The following ITGA5 variants were observed in gnomAD, a reference collection of about 807,000 sequenced individuals.
The protein encoded by ITGA5 is integrin alpha-5.
In ITGA5, 55 loss-of-function variants were observed where a neutral mutation model predicts 146.3. That is an observed-to-expected ratio of 0.38 (90% CI 0.30 to 0.47). The LOEUF (loss-of-function observed/expected upper bound fraction) is 0.47, where lower values mean the gene tolerates loss of function less well. ITGA5 is among the 20% of genes least tolerant of loss of function. The pLI is 0.99. For missense variants in ITGA5, 1,131 were observed against 1,329.0 expected (o/e 0.85, Z 2.32); for synonymous variants, 500 against 531.8 (o/e 0.94, Z 0.82).
intron 27 of ITGA5, 73 bp downstream of exon 27, chr12:54,399,572 A>C: frequency 9.8e-7 from 1 of 1,020,194 alleles, no homozygotes; most frequent in Non-Finnish European, 1.6e-6. Flanking sequence ...TGGCTACTGC[A>C]GTGGAGAAAG....
intron 29 of ITGA5, 42 bp downstream of exon 29, chr12:54,397,323 C>T (rs1955723659): frequency 1.2e-6 from 2 of 1,611,822 alleles, no homozygotes; most frequent in South Asian, 2.2e-5. Context: ...AGGGCAGAGC[C>T]TGATGAGAGG....
intron 29 of ITGA5, 199 bp downstream of exon 29, chr12:54,397,166 A>C: frequency 2.1e-6 from 1 of 476,908 alleles, no homozygotes; most frequent in Non-Finnish European, 3.7e-6. Context: ...TTGAGTCAAG[A>C]GGACCCTTTC....
chr12:54,396,395 G>A lies in ITGA5; in HGVS notation c.3067-19C>T, dbSNP rs1204982146. 1 of 1,598,238 alleles carries A rather than the reference G, an allele frequency of 6.3e-7. No individual in the cohort carries two copies. The highest frequency in any genetic ancestry group is 1.1e-5 in the South Asian group (1 of 90,732). ...ATCCAAGCTGATAAAGGGGAAAAGA[G>A]GGAGAGTTTAGGTACTATGGCTGCC... On this transcript the variant is annotated intron_variant, in intron 29 of 29. Transcript: ENST00000293379.
chr12:54,400,512 A>G (rs1955772951), intron 25 of ITGA5: 1 of 260,492 alleles, frequency 3.8e-6, no homozygotes, highest in Admixed American at 5.0e-5. Context: ...CACTTATTTA[A>G]TTAGATGTTA....
chr12:54,419,255 C>G lies in ITGA5; in HGVS notation c.-57G>C. 6.5e-7 allele frequency: 1 copy of G among 1,531,574 alleles called. No homozygotes were observed. Among genetic ancestry groups the G allele is most frequent in the Non-Finnish European group, 8.8e-7 (1 of 1,135,090 alleles). The allele number at this position is 1,531,574 out of a possible 1,614,324, so 94.9% of individuals were successfully genotyped here. Reference sequence around the variant, plus strand: ...GACCCGGAGCCGCTTCCTAAACCTCCCAGAGGCGAATGACTCAACGCGGGG... The same window carrying G: ...GACCCGGAGCCGCTTCCTAAACCTCGCAGAGGCGAATGACTCAACGCGGGG... On this transcript the variant is annotated 5_prime_UTR_variant, in exon 1 of 30. Transcript: ENST00000293379.
intron 15 of ITGA5, 81 bp from the exon 16 acceptor site, chr12:54,404,047 A>G: frequency 6.4e-7 from 1 of 1,568,216 alleles, no homozygotes; most frequent in Non-Finnish European, 8.8e-7. Flanking sequence ...AGCCAGACCC[A>G]GACTAGGACA....
At chr12:54,399,820 G>T in intron 26 of ITGA5, 44 bp downstream of exon 26, 1 of 1,605,726 alleles carries the variant, frequency 6.2e-7, no homozygotes, top group Non-Finnish European at 8.5e-7. Flanking sequence ...GAACCCCAGA[G>T]TACTCAACAC....
At chr12:54,402,353 G>A (rs1248432621) in intron 19 of ITGA5, 23 bp from the exon 20 acceptor site, 1 of 1,588,614 alleles carries the variant, frequency 6.3e-7, no homozygotes. Flanking sequence ...CAGAGGGTAA[G>A]GGACATTGGT....
chr12:54,399,893 T>C lies in ITGA5; in HGVS notation c.2698A>G (p.Ser900Gly), dbSNP rs1955764611. The C allele has an allele frequency of 6.2e-7, 1 of 1,614,038 alleles. No homozygotes were observed. Among genetic ancestry groups the C allele is most frequent in the African/African-American group, 1.3e-5 (1 of 74,906 alleles). The change falls in exon 26 of 30, where the codon AGC becomes GGC. Residue 900 changes from serine to glycine, a missense_variant. Ser to Gly is a moderately conservative substitution (Grantham distance 56). Coordinates refer to ENST00000293379, the MANE Select transcript of ITGA5 (RefSeq NM_002205.5). ...HQQKREAPSRSSASSGPQILK... is the reference protein window; with the variant it reads ...HQQKREAPSRGSASSGPQILK... ...ATCTGAGGTCCCGAGGAAGCAGAGC[T>C]GCGGCTTGGAGCTTCCCGTTTTTGC...
Position 54,411,869 on chromosome 12 carries a change from G to A in ITGA5, c.314C>T (p.Pro105Leu), listed in dbSNP as rs1410611893. The change falls in exon 2 of 30, where the codon CCC becomes CTC. Residue 105 changes from proline (P) to leucine (L), a missense_variant. Coordinates refer to ENST00000293379, the MANE Select transcript of ITGA5 (RefSeq NM_002205.5). ...AVYLCPWGAS[P>L]TQCTPIEFDS... ...AAATTCAATGGGGGTGCACTGTGTG[G>A]GGCTGGCACCCCAAGGACAGAGGTA... is the stretch of plus-strand genomic sequence containing the variant. 1.9e-6 allele frequency: 3 copies of A among 1,592,462 alleles called. No homozygotes were observed. Among genetic ancestry groups the A allele is most frequent in the Admixed American group, 3.5e-5 (2 of 57,242 alleles).
intron 9 of ITGA5, among the ~76,000 whole-genome samples, chr12:54,406,778 A>G (rs1166159097): frequency 6.6e-6 from 1 of 152,030 alleles, no homozygotes; most frequent in Non-Finnish European, 1.5e-5. Flanking sequence ...ACCTTCTCTC[A>G]TCTGTCCTCT....
rs1955783655 is a variant in ITGA5, at chr12:54,401,506, G to A, written c.2388-28C>T. The A allele has an allele frequency of 6.4e-7, 1 of 1,571,156 alleles. No homozygotes were observed. The highest frequency in any genetic ancestry group is 1.4e-5 in the African/African-American group (1 of 69,872). On this transcript the variant is annotated intron_variant, in intron 23 of 29. Coordinates refer to ENST00000293379, the MANE Select transcript of ITGA5 (RefSeq NM_002205.5). This position sits in a 1 kb window ranked among gnomAD's most constrained non-coding sequence, Gnocchi z 5.0. ...AAGGAGGAGGGTGGTTTAGAGGAGGGTGGAAGGAACCCCATATGCATCCTT... is the reference window on the plus strand; with the variant it reads ...AAGGAGGAGGGTGGTTTAGAGGAGGATGGAAGGAACCCCATATGCATCCTT...
chr12:54,404,814 C>A lies in ITGA5; in HGVS notation c.1306G>T (p.Gly436Cys). 6.2e-7 allele frequency: 1 copy of A among 1,613,496 alleles called. No individual in the cohort carries two copies. The highest frequency in any genetic ancestry group is 8.5e-7 in the Non-Finnish European group (1 of 1,179,720). Residue 436 changes from glycine to cysteine, a missense_variant, in exon 13 of 30, where the codon GGC becomes TGC. By Grantham distance (159) the Gly-to-Cys change is radical (BLOSUM62 -3). Coordinates refer to ENST00000293379, the MANE Select transcript of ITGA5 (RefSeq NM_002205.5). Reference protein sequence around the residue: ...FVFPGGPGGLGSKPSQVLQPL... With the variant: ...FVFPGGPGGLCSKPSQVLQPL... Reference sequence around the variant, plus strand: ...TGCAGAACCTGGGAAGGCTTAGAGCCCAGCCCTCCTGGGCCCCCAGGAAAT... The same window carrying A: ...TGCAGAACCTGGGAAGGCTTAGAGCACAGCCCTCCTGGGCCCCCAGGAAAT...
chr12:54,407,743 A>G (rs775960356), intron 8 of ITGA5, 51 bp from the exon 9 acceptor site: 1 of 1,606,212 alleles, frequency 6.2e-7, no homozygotes, highest in African/African-American at 1.3e-5. Context: ...AGGGAAGCAG[A>G]TAATGGTAAG....
In ITGA5 at chr12:54,398,582, TG is replaced by T; in HGVS notation, c.2943+14del. 1 of 1,589,700 alleles carries T rather than the reference TG, an allele frequency of 6.3e-7. No homozygotes were observed. Among genetic ancestry groups the T allele is most frequent in the Non-Finnish European group, 8.6e-7 (1 of 1,160,220 alleles). On this transcript the variant is annotated intron_variant, in intron 28 of 29. Transcript: ENST00000293379. ...CCCTGTATTCCCTCATCCAGTCCTC[TG>T]GCCCTAGACTCACCTGACGCTCTTT... is the stretch of plus-strand genomic sequence containing the variant.
chr12:54,397,513 A>G (rs755865913), intron 28 of ITGA5, 26 bp from the exon 29 acceptor site: 8 of 1,613,020 alleles, frequency 5.0e-6, no homozygotes, highest in Non-Finnish European at 8.5e-7. Context: ...GGTGAAGTCA[A>G]TGAAAGCTCA....
At position 54,402,219 on chromosome 12, in the gene ITGA5, A is replaced by AG. The variant is rs1218223680; in HGVS notation, c.2093dup (p.Pro699SerfsTer4). 5 of 1,614,000 alleles carry AG rather than the reference A, an allele frequency of 3.1e-6. No homozygotes were observed. The highest frequency in any genetic ancestry group is 4.2e-6 in the Non-Finnish European group (5 of 1,179,934). On this transcript the variant is annotated frameshift_variant, in exon 20 of 30. Coordinates refer to ENST00000293379, the MANE Select transcript of ITGA5 (RefSeq NM_002205.5). LOFTEE classifies it high-confidence loss of function. ...CGAGTCCTGAGTACTCAGCCTCTGG[A>AG]GGGGCGGTGACCCGAAGCTCAGCCT...
chr12:54,408,354 G>A, intron 6 of ITGA5, 119 bp from the exon 7 acceptor site: 2 of 1,133,994 alleles, frequency 1.8e-6, no homozygotes, highest in South Asian at 2.9e-5. Flanking sequence ...GCATGGGGAG[G>A]GTGGTGGCAT....
rs573055963 is a variant in ITGA5 at position 54,409,864 on chromosome 12, C to CT, written c.350-268dup. ...CACACGCACACAGAACCTGGGCTTT[C>CT]TTTTTTTTTTGAGATGGAGTCTCAC... is the stretch of plus-strand genomic sequence containing the variant. On this transcript the variant is annotated intron_variant, in intron 2 of 29. Coordinates refer to ENST00000293379, the MANE Select transcript of ITGA5 (RefSeq NM_002205.5). This position sits in a 1 kb window ranked among gnomAD's most constrained non-coding sequence, Gnocchi z 4.7. 5.9e-3 allele frequency: 1,682 copies of CT among 285,268 alleles called. No homozygotes were observed. Among genetic ancestry groups the CT allele is most frequent in the South Asian group, 9.8e-3 (202 of 20,712 alleles). 17.7% of individuals were successfully genotyped at this position (285,268 alleles called of 1,614,324 possible).
Sources: allele counts gnomAD v4.1 joint callset (sites outside exome capture counted in the v4.1 genomes callset), GRCh38; gene constraint gnomAD v4.1.1; non-coding constraint Gnocchi (gnomAD v3.1); transcripts MANE v1.5; gene names NCBI Gene and HGNC (gene_info 2026-07-23, HGNC 2026-07-21).